EYA2: variants seen among roughly 807,000 people sequenced by gnomAD.
EYA2 encodes the protein protein phosphatase EYA2.
Under a neutral mutation model 69.2 loss-of-function variants are expected in EYA2, and 31 were observed. The ratio of observed to expected loss-of-function variants is 0.45; its 90% CI spans 0.34 to 0.60. EYA2 has a LOEUF of 0.60. EYA2 is among the 20% of genes least tolerant of loss of function. The pLI is 0.02. For missense variants in EYA2, 622 were observed against 701.2 expected, an observed-to-expected ratio of 0.89 and a Z score of 1.28; for synonymous variants, 257 against 279.4, an observed-to-expected ratio of 0.92 and a Z score of 0.80.
intron 5 of EYA2, among the ~76,000 whole-genome samples, chr20:47,055,248 T>C (rs41486245): frequency 0.015 from 2,354 of 152,308 alleles, 45 homozygotes; most frequent in African/African-American, 0.053. Flanking sequence ...TGGGACTGTA[T>C]CAGTGAAAAT....
chr20:47,101,227 G>A (rs1439020352), intron 9 of EYA2, among the ~76,000 whole-genome samples: 2 of 152,158 alleles, frequency 1.3e-5, no homozygotes, highest in African/African-American at 4.8e-5. Flanking sequence ...TGGGACAACA[G>A]GCAAGTGCCA....
intron 5 of EYA2, among the ~76,000 whole-genome samples, chr20:47,017,954 G>A (rs1044489893): frequency 5.3e-5 from 8 of 152,114 alleles, no homozygotes; most frequent in Admixed American, 6.5e-5. Context: ...CTGTAACCCC[G>A]GCACTTTCCT....
intron 1 of EYA2, among the ~76,000 whole-genome samples, chr20:46,913,082 A>G (rs893456820): frequency 5.9e-5 from 9 of 152,234 alleles, no homozygotes; most frequent in Non-Finnish European, 1.2e-4. Flanking sequence ...CCTGATTTGT[A>G]GCCTCTGCCA....
intron 6 of EYA2, 138 bp from the exon 7 acceptor site, chr20:47,074,019 TG>T: frequency 1.2e-6 from 1 of 830,842 alleles, no homozygotes; most frequent in Non-Finnish European, 1.8e-6. Flanking sequence ...GGTCTGCTTC[TG>T]GGAAACCAAA....
At chr20:47,156,242 G>C (rs1188653073) in intron 10 of EYA2, among the ~76,000 whole-genome samples, 1 of 142,142 alleles carries the variant, frequency 7.0e-6, no homozygotes, top group Non-Finnish European at 1.5e-5. Context: ...GCTAAGGCAG[G>C]AGAATTGCCT....
rs543633656 is a variant in EYA2 at position 47,108,323 on chromosome 20, ACT to A, written c.888+11164_888+11165del. Among the ~76,000 whole-genome samples, 99 of 151,236 alleles carry A rather than the reference ACT, an allele frequency of 6.5e-4. 1 individual carries two copies. The highest frequency in any genetic ancestry group is 1.2e-3 in the Non-Finnish European group (83 of 67,800). The stretch of plus-strand genomic sequence containing the variant: ...TGAAAAGAGCCTGGCAGCTCCCTCC[ACT>A]CTCTCTCTTCCTCTCTCTCCACATG... On this transcript the variant is annotated intron_variant, in intron 9 of 15. Transcript: ENST00000327619.
At chr20:46,921,502 A>G (rs532283156) in intron 1 of EYA2, among the ~76,000 whole-genome samples, 2 of 152,162 alleles carry the variant, frequency 1.3e-5, no homozygotes, top group Non-Finnish European at 2.9e-5. Context: ...CTCCAGTTCT[A>G]AGTGCAGACC....
Position 47,143,024 on chromosome 20 carries a change from G to C in EYA2, c.889-35G>C. 5 of 1,591,988 alleles carry C rather than the reference G, an allele frequency of 3.1e-6. No individual in the cohort carries two copies. In the South Asian group the frequency reaches 5.6e-5, roughly 18 times the overall value. ...GGGTAGCTAAGATTCCTCAGGCTCC[G>C]CGTGCATGTGATTTTCCCCTTCTCT... On this transcript the variant is annotated intron_variant, in intron 9 of 15. Coordinates refer to ENST00000327619, the MANE Select transcript of EYA2 (RefSeq NM_005244.5).
At chr20:47,146,769 G>C (rs75523365) in intron 10 of EYA2, among the ~76,000 whole-genome samples, 2,264 of 152,300 alleles carry the variant, frequency 0.015, 53 homozygotes, top group African/African-American at 0.051. Context: ...AGTACCACCT[G>C]TAAGGGAGTT....
At chr20:46,984,388 A>G (rs2146317934) in intron 1 of EYA2, among the ~76,000 whole-genome samples, 1 of 152,296 alleles carries the variant, frequency 6.6e-6, no homozygotes, top group Non-Finnish European at 1.5e-5. Context: ...TAAGAAAAAA[A>G]AAAAATAGAA....
rs146304076 is a variant in EYA2, at chr20:47,031,532, A to G, written c.415+15235A>G. On this transcript the variant is annotated intron_variant, in intron 5 of 15. Transcript: ENST00000327619. The stretch of plus-strand genomic sequence containing the variant: ...CTAGGTCAGACACAGTGAAGCCAGT[A>G]TTCACAAGTGTACCTGTGACAATGC... Among the ~76,000 whole-genome samples, 554 of 152,352 alleles carry G rather than the reference A, an allele frequency of 3.6e-3. 4 individuals are homozygous for G. Among genetic ancestry groups the G allele is most frequent in the African/African-American group, 0.013 (532 of 41,586 alleles).
intron 10 of EYA2, among the ~76,000 whole-genome samples, chr20:47,168,843 G>A (rs1329857079): frequency 6.6e-6 from 1 of 152,170 alleles, no homozygotes; most frequent in African/African-American, 2.4e-5. Flanking sequence ...TATCCCCCTA[G>A]TATAATACCA....
At chr20:46,965,983 G>T (rs1238775157) in intron 1 of EYA2, among the ~76,000 whole-genome samples, 3 of 152,220 alleles carry the variant, frequency 2.0e-5, no homozygotes, top group African/African-American at 7.2e-5. Context: ...AGAGAAAGCT[G>T]GTGCCCATGG....
intron 10 of EYA2, among the ~76,000 whole-genome samples, chr20:47,145,212 TG>T (rs1409265264): frequency 6.8e-6 from 1 of 148,130 alleles, no homozygotes; most frequent in Non-Finnish European, 1.5e-5. Flanking sequence ...GTGATGGGGA[TG>T]GAGGAGGGTT....
chr20:47,137,709 A>G (rs1302796168), intron 9 of EYA2, among the ~76,000 whole-genome samples: 1 of 152,204 alleles, frequency 6.6e-6, no homozygotes, highest in Non-Finnish European at 1.5e-5. Flanking sequence ...TGTATTTCAC[A>G]TAAATTAATA....
intron 1 of EYA2, among the ~76,000 whole-genome samples, chr20:46,985,854 A>G (rs1568704622): frequency 6.6e-6 from 1 of 152,220 alleles, no homozygotes; most frequent in African/African-American, 2.4e-5. Flanking sequence ...AAATATTTTT[A>G]AACCCTAGGG....
At chr20:47,167,624 A>G (rs940204591) in intron 10 of EYA2, among the ~76,000 whole-genome samples, 1 of 151,706 alleles carries the variant, frequency 6.6e-6, no homozygotes, top group Non-Finnish European at 1.5e-5. Context: ...TTCAGTGGCC[A>G]CTTGTGTATG....
At chr20:46,911,292 A>G (rs1340071187) in intron 1 of EYA2, among the ~76,000 whole-genome samples, 3 of 151,890 alleles carry the variant, frequency 2.0e-5, no homozygotes, top group Non-Finnish European at 4.4e-5. Flanking sequence ...ATGGCATTTA[A>G]TATGTCCATG....
intron 1 of EYA2, among the ~76,000 whole-genome samples, chr20:46,976,910 T>C (rs1157621064): frequency 6.4e-5 from 1 of 15,516 alleles, no homozygotes; most frequent in Non-Finnish European, 2.1e-4. Flanking sequence ...GCTCCAGTCA[T>C]GTGGAATTCG....
Sources: allele counts gnomAD v4.1 joint callset (sites outside exome capture counted in the v4.1 genomes callset), GRCh38; gene constraint gnomAD v4.1.1; transcripts MANE v1.5; gene names NCBI Gene and HGNC (gene_info 2026-07-23, HGNC 2026-07-21).